The following ROR1 variants were observed in gnomAD, a reference collection of about 807,000 sequenced individuals.
ROR1 encodes ROR family WNT receptor 1.
Under a neutral mutation model 78.8 loss-of-function variants are expected in ROR1, and 19 were observed. That is an observed-to-expected ratio of 0.24 (90% CI 0.17 to 0.35). The LOEUF (loss-of-function observed/expected upper bound fraction) is 0.35, where lower values mean the gene tolerates loss of function less well. ROR1 is among the 10% of genes least tolerant of loss of function. The probability of loss-of-function intolerance (pLI) is 1.00; values close to 1 mark genes in which losing one functional copy is unlikely to be tolerated. For synonymous variants in ROR1, 386 were observed against 433.6 expected, an observed-to-expected ratio of 0.89 and a Z score of 1.36; for missense variants, 917 against 1,177.8, an observed-to-expected ratio of 0.78 and a Z score of 3.24.
intron 1 of ROR1, among the ~76,000 whole-genome samples, chr1:63,946,025 G>A (rs372632798): frequency 6.6e-6 from 1 of 152,292 alleles, no homozygotes; most frequent in East Asian, 1.9e-4. Flanking sequence ...GCTATCAGAA[G>A]TAAGTTTGTT....
intron 1 of ROR1, among the ~76,000 whole-genome samples, chr1:63,969,419 T>C (rs1410323730): frequency 6.6e-6 from 1 of 152,122 alleles, no homozygotes; most frequent in Non-Finnish European, 1.5e-5. Context: ...TGAGGAAGGA[T>C]TGGCCATCTA....
At chr1:63,902,667 C>G (rs373160133) in intron 1 of ROR1, among the ~76,000 whole-genome samples, 1 of 152,128 alleles carries the variant, frequency 6.6e-6, no homozygotes, top group Non-Finnish European at 1.5e-5. Flanking sequence ...CTAGCCACAG[C>G]TGTATTACAA....
intron 2 of ROR1, among the ~76,000 whole-genome samples, chr1:64,015,839 G>T (rs1490158448): frequency 6.6e-6 from 1 of 152,098 alleles, no homozygotes; most frequent in African/African-American, 2.4e-5. Flanking sequence ...TTTAAAGGTT[G>T]TCACCTTGCC....
At chr1:64,029,740 A>G (rs1485847445) in intron 2 of ROR1, among the ~76,000 whole-genome samples, 1 of 152,078 alleles carries the variant, frequency 6.6e-6, no homozygotes, top group African/African-American at 2.4e-5. Flanking sequence ...ATTAAATGTC[A>G]TCTCCTAAAA....
chr1:63,816,336 T>C lies in ROR1; in HGVS notation c.91+41828T>C, dbSNP rs561613138. The stretch of plus-strand genomic sequence containing the variant: ...GTGGGAGAGACCCAGTGGGAGATAA[T>C]TGAATCATAGGAGCAGGTCTTTCCC... On this transcript the variant is annotated intron_variant, in intron 1 of 8. Coordinates refer to ENST00000371079, the MANE Select transcript of ROR1 (RefSeq NM_005012.4). Among the ~76,000 whole-genome samples the C allele has an allele frequency of 1.8e-3, 274 of 152,294 alleles. 1 individual carries two copies. The highest frequency in any genetic ancestry group is 6.4e-3 in the African/African-American group (266 of 41,564).
chr1:63,987,415 G>A (rs1409829950), intron 1 of ROR1, among the ~76,000 whole-genome samples: 2 of 152,110 alleles, frequency 1.3e-5, no homozygotes, highest in South Asian at 4.1e-4. Context: ...AACGCACTTG[G>A]TCTTTTTTCA....
intron 2 of ROR1, among the ~76,000 whole-genome samples, chr1:64,022,778 C>T (rs1314188632): frequency 6.6e-6 from 1 of 152,132 alleles, no homozygotes; most frequent in Non-Finnish European, 1.5e-5. Context: ...AGTAGGTGAT[C>T]TGAAATTATC....
chr1:63,809,985 CCAACCCTTGGATTCCAAT>C (rs1028554986), intron 1 of ROR1, among the ~76,000 whole-genome samples: 7 of 152,108 alleles, frequency 4.6e-5, no homozygotes, highest in Non-Finnish European at 1.0e-4. Flanking sequence ...GTTTAAGTTG[CCAACCCTTGGATTCCAAT>C]GCAACAAGCA....
chr1:63,845,976 T>A (rs679622), intron 1 of ROR1, among the ~76,000 whole-genome samples: 64,121 of 151,996 alleles, frequency 0.42, 16,532 homozygotes, highest in African/African-American at 0.74. Context: ...CTTTAGCTTC[T>A]GACTCCTTCT....
At chr1:64,154,586 A>T (rs11208370) in intron 7 of ROR1, among the ~76,000 whole-genome samples, 41,626 of 152,066 alleles carry the variant, frequency 0.27, 5,952 homozygotes, top group East Asian at 0.36. Flanking sequence ...AGCTTCAGGG[A>T]AAGAAAGGAG....
chr1:64,042,161 T>A (rs1490330345), intron 2 of ROR1, among the ~76,000 whole-genome samples: 1 of 152,148 alleles, frequency 6.6e-6, no homozygotes, highest in Non-Finnish European at 1.5e-5. Flanking sequence ...CCAGGTGTTC[T>A]CTTATTCACT....
At chr1:64,067,101 G>A (rs773545630) in intron 4 of ROR1, among the ~76,000 whole-genome samples, 26 of 152,118 alleles carry the variant, frequency 1.7e-4, no homozygotes, top group Non-Finnish European at 3.2e-4. Flanking sequence ...TGTTATCCCA[G>A]CACTTTGGGA....
intron 2 of ROR1, among the ~76,000 whole-genome samples, chr1:64,031,669 T>C (rs980714777): frequency 1.3e-5 from 2 of 152,268 alleles, no homozygotes. Context: ...TTTGACTATA[T>C]TGCTTTTTCT....
chr1:64,143,876 G>C (rs937008484), intron 7 of ROR1, among the ~76,000 whole-genome samples: 2 of 152,298 alleles, frequency 1.3e-5, no homozygotes, highest in South Asian at 2.1e-4. Flanking sequence ...AAGCATGAGA[G>C]GGTTTTGAGC....
intron 1 of ROR1, among the ~76,000 whole-genome samples, chr1:63,974,760 C>G (rs186349763): frequency 4.6e-5 from 7 of 152,284 alleles, no homozygotes; most frequent in Admixed American, 2.0e-4. Context: ...GCCTCAGCCT[C>G]CTGAGTAGCT....
intron 1 of ROR1, chr1:63,843,275 G>C: frequency 6.8e-7 from 1 of 1,471,028 alleles, no homozygotes; most frequent in Non-Finnish European, 9.5e-7. Flanking sequence ...CCTCCTTGTA[G>C]CAGTTTGTGT....
chr1:64,158,863 A>C, intron 7 of ROR1, 118 bp from the exon 8 acceptor site: 1 of 705,402 alleles, frequency 1.4e-6, no homozygotes, highest in East Asian at 2.7e-5. Context: ...TTCTTCTCAC[A>C]GTGGATTTGT....
At chr1:64,020,427 G>A (rs1484770661) in intron 2 of ROR1, among the ~76,000 whole-genome samples, 1 of 152,068 alleles carries the variant, frequency 6.6e-6, no homozygotes, top group Non-Finnish European at 1.5e-5. Flanking sequence ...AAATGAAAAA[G>A]GCAGAAACAT....
At chr1:63,920,852 C>T (rs1645648779) in intron 1 of ROR1, among the ~76,000 whole-genome samples, 2 of 152,204 alleles carry the variant, frequency 1.3e-5, no homozygotes, top group African/African-American at 4.8e-5. Flanking sequence ...TTCCTTCTTA[C>T]AGCCAAAGTG....
Sources: allele counts gnomAD v4.1 joint callset (sites outside exome capture counted in the v4.1 genomes callset), GRCh38; gene constraint gnomAD v4.1.1; transcripts MANE v1.5; gene names NCBI Gene and HGNC (gene_info 2026-07-23, HGNC 2026-07-21).